PDZRN3: variants seen among roughly 807,000 people sequenced by gnomAD.
PDZRN3 encodes the protein PDZ domain containing ring finger 3.
Under a neutral mutation model 85.7 loss-of-function variants are expected in PDZRN3, and 38 were observed. The observed-to-expected ratio is 0.44, with a 90% confidence interval of 0.34 to 0.58. The LOEUF (loss-of-function observed/expected upper bound fraction) is 0.58, where lower values mean the gene tolerates loss of function less well. Ranked by LOEUF, PDZRN3 falls within the 20% of genes least tolerant of loss-of-function variation. PDZRN3 has a pLI of 0.01. For missense variants in PDZRN3, 1,629 were observed against 1,506.4 expected, an observed-to-expected ratio of 1.08 and a Z score of -1.35; for synonymous variants, 759 against 638.0, an observed-to-expected ratio of 1.19 and a Z score of -2.86.
intron 3 of PDZRN3, among the ~76,000 whole-genome samples, chr3:73,441,216 C>T (rs1702628922): frequency 1.3e-5 from 2 of 151,908 alleles, no homozygotes; most frequent in Admixed American, 6.6e-5. Context: ...AGATAGAGAC[C>T]ATCCTGGCCA....
intron 3 of PDZRN3, among the ~76,000 whole-genome samples, chr3:73,526,686 CTGT>C (rs946364730): frequency 2.6e-5 from 4 of 152,060 alleles, no homozygotes; most frequent in South Asian, 4.1e-4. Flanking sequence ...GTTGTTGTTG[CTGT>C]TGTTGTTATT....
intron 3 of PDZRN3, among the ~76,000 whole-genome samples, chr3:73,535,163 A>G (rs1431033564): frequency 3.9e-5 from 6 of 152,110 alleles, no homozygotes; most frequent in Non-Finnish European, 1.5e-5. Flanking sequence ...TGGGTTCTAG[A>G]AGGCTAATGA....
At chr3:73,552,059 A>G (rs9842067) in intron 3 of PDZRN3, among the ~76,000 whole-genome samples, 111,384 of 152,024 alleles carry the variant, frequency 0.73, 41,185 homozygotes, top group African/African-American at 0.83. Context: ...GGACAGTCCT[A>G]AGTTTAGGGT....
intron 3 of PDZRN3, among the ~76,000 whole-genome samples, chr3:73,444,887 G>A (rs924601961): frequency 1.3e-5 from 2 of 152,336 alleles, no homozygotes; most frequent in South Asian, 4.1e-4. Context: ...GTGAGGAAAC[G>A]CAGAAAGAGC....
chr3:73,389,787 A>C (rs1204744924), intron 7 of PDZRN3, 29 bp downstream of exon 7: 5 of 1,537,846 alleles, frequency 3.3e-6, no homozygotes. Flanking sequence ...TAGGCCCATC[A>C]TGAGGCCATT....
chr3:73,583,485 A>T (rs1326321103), intron 3 of PDZRN3, among the ~76,000 whole-genome samples: 1 of 151,922 alleles, frequency 6.6e-6, no homozygotes, highest in African/African-American at 2.4e-5. Flanking sequence ...ATATGCATGA[A>T]CTCCACTAGA....
chr3:73,530,744 T>C (rs1489082605), intron 3 of PDZRN3, among the ~76,000 whole-genome samples: 1 of 152,220 alleles, frequency 6.6e-6, no homozygotes, highest in Non-Finnish European at 1.5e-5. Flanking sequence ...TCATTTCTTA[T>C]GTACCTCAAA....
At chr3:73,488,613 C>T (rs1440860900) in intron 3 of PDZRN3, among the ~76,000 whole-genome samples, 1 of 152,174 alleles carries the variant, frequency 6.6e-6, no homozygotes, top group African/African-American at 2.4e-5. Context: ...TTGTCCTGAC[C>T]TCTTTGTTTA....
intron 3 of PDZRN3, among the ~76,000 whole-genome samples, chr3:73,537,723 G>A (rs962229199): frequency 1.3e-5 from 2 of 151,772 alleles, no homozygotes; most frequent in African/African-American, 4.8e-5. Flanking sequence ...GGGTTCAAGC[G>A]ATTCTTCTAC....
intron 3 of PDZRN3, among the ~76,000 whole-genome samples, chr3:73,584,883 A>G (rs1702256824): frequency 6.6e-6 from 1 of 152,214 alleles, no homozygotes; most frequent in African/African-American, 2.4e-5. Context: ...CCCACTAAAA[A>G]CATCCATTTG....
intron 3 of PDZRN3, among the ~76,000 whole-genome samples, chr3:73,465,107 A>T (rs1703186481): frequency 6.6e-6 from 1 of 152,196 alleles, no homozygotes; most frequent in South Asian, 2.1e-4. Flanking sequence ...ATGAGTCTTA[A>T]TTATGTTGGA....
At chr3:73,408,407 C>T (rs769360456) in intron 3 of PDZRN3, 9 of 584,372 alleles carry the variant, frequency 1.5e-5, no homozygotes, top group Non-Finnish European at 2.4e-5. Context: ...ACACATTTTC[C>T]CAGGAGGAAA....
intron 5 of PDZRN3, among the ~76,000 whole-genome samples, chr3:73,399,591 C>T (rs1008388261): frequency 2.0e-5 from 3 of 152,190 alleles, no homozygotes; most frequent in African/African-American, 7.2e-5. Flanking sequence ...CTTCACCAAA[C>T]AGCCCTGAAG....
rs1214466468 is a variant in PDZRN3 at position 73,459,907 on chromosome 3, C to T, written c.919-55512G>A. On this transcript the variant is annotated intron_variant, in intron 3 of 9. Transcript: ENST00000263666. ...AATACGTGGCAGGCAGGAGTCACAT[C>T]CAGATGTCTGCCTGTGGAAGTCCAT... Among the ~76,000 whole-genome samples the T allele has an allele frequency of 1.3e-4, 20 of 152,268 alleles. 1 individual carries two copies. In the South Asian group the frequency reaches 3.7e-3, roughly 28 times the overall value.
At chr3:73,592,570 T>C (rs903279914) in intron 3 of PDZRN3, among the ~76,000 whole-genome samples, 3 of 152,148 alleles carry the variant, frequency 2.0e-5, no homozygotes, top group African/African-American at 4.8e-5. Flanking sequence ...CCAGTTTCTA[T>C]GCAGTTCACG....
At chr3:73,535,445 T>C (rs1441944249) in intron 3 of PDZRN3, among the ~76,000 whole-genome samples, 1 of 152,216 alleles carries the variant, frequency 6.6e-6, no homozygotes, top group Non-Finnish European at 1.5e-5. Context: ...AACTGGAGCA[T>C]CAGTGATACA....
intron 3 of PDZRN3, among the ~76,000 whole-genome samples, chr3:73,525,033 AATT>A: frequency 6.7e-6 from 1 of 148,364 alleles, no homozygotes; most frequent in Admixed American, 6.7e-5. Flanking sequence ...ATATAAATAA[AATT>A]ATATATATTA....
intron 3 of PDZRN3, among the ~76,000 whole-genome samples, chr3:73,458,346 C>T (rs1345657911): frequency 1.3e-5 from 2 of 151,736 alleles, no homozygotes; most frequent in African/African-American, 4.8e-5. Flanking sequence ...CAGAGACTGG[C>T]CACCTCTAAG....
rs1484793047 is a variant in PDZRN3 at position 73,451,820 on chromosome 3, T to C, written c.919-47425A>G. Among the ~76,000 whole-genome samples, 3 of 151,770 alleles carry C rather than the reference T, an allele frequency of 2.0e-5. No homozygotes were observed. The East Asian group carries it at 5.8e-4, about 29-fold the overall frequency. On this transcript the variant is annotated intron_variant, in intron 3 of 9. Coordinates refer to ENST00000263666, the MANE Select transcript of PDZRN3 (RefSeq NM_015009.3). ...TGATAGGTCATCAGCTTTCTGCCTA[T>C]TGAATCCCGCAGATGCTCTAGCTTC...
Sources: gnomAD v4.1 joint callset for allele counts (sites outside exome capture counted in the v4.1 genomes callset) on GRCh38, gnomAD v4.1.1 for gene constraint, MANE v1.5 for transcripts, NCBI Gene and HGNC (gene_info 2026-07-23, HGNC 2026-07-21) for gene names.